ZCCHC14: variants seen among roughly 807,000 people sequenced by gnomAD.
ZCCHC14 encodes zinc finger CCHC-type containing 14, also known as zinc finger CCHC domain-containing protein 14.
In ZCCHC14, 16 loss-of-function variants were observed where a neutral mutation model predicts 85.0. The observed-to-expected ratio is 0.19, with a 90% CI of 0.13 to 0.29. The LOEUF (loss-of-function observed/expected upper bound fraction) is 0.29, where lower values mean the gene tolerates loss of function less well. Among genes scored for constraint, ZCCHC14 ranks in the 10% least tolerant of loss-of-function variants. ZCCHC14 has a pLI of 1.00. For synonymous variants in ZCCHC14, 775 were observed against 630.7 expected (o/e 1.23, Z -3.43); for missense variants, 1,303 against 1,443.5 (o/e 0.90, Z 1.58).
rs561345075 is a variant in ZCCHC14, at chr16:87,410,404, C to T, written c.3206-69G>A. ...AATCACCACCAACCACCAATCTGTC[C>T]AGTCATGTCCAGAGCCACTGGGCAA... is the stretch of plus-strand genomic sequence containing the variant. On this transcript the variant is annotated intron_variant, in intron 12 of 12. Coordinates refer to ENST00000671377, the MANE Select transcript of ZCCHC14 (RefSeq NM_015144.3). 4.4e-6 allele frequency: 3 copies of T among 688,160 alleles called. No homozygotes were observed. The African/African-American group carries it at 5.4e-5, about 12-fold the overall frequency. The allele number at this position is 688,160 out of a possible 1,614,324, so 42.6% of individuals were successfully genotyped here. A position where few individuals can be genotyped will look rare whatever the true frequency, so the allele number is the denominator to read the frequency against.
chr16:87,447,924 T>A (rs1209100832), intron 2 of ZCCHC14, among the ~76,000 whole-genome samples: 1 of 152,182 alleles, frequency 6.6e-6, no homozygotes, highest in East Asian at 1.9e-4. Flanking sequence ...GTGGCTTTGA[T>A]GTGCATTTCC....
At chr16:87,452,775 C>T (rs1467756629) in intron 2 of ZCCHC14, among the ~76,000 whole-genome samples, 2 of 146,072 alleles carry the variant, frequency 1.4e-5, no homozygotes, top group African/African-American at 4.9e-5. Flanking sequence ...GCTGAGGAGC[C>T]CCTGGTGACC....
At chr16:87,459,634 C>G (rs1226452468) in intron 2 of ZCCHC14, among the ~76,000 whole-genome samples, 1 of 151,964 alleles carries the variant, frequency 6.6e-6, no homozygotes, top group African/African-American at 2.4e-5. Context: ...CTCAGCCTCC[C>G]GAGTAGCTGG....
chr16:87,477,269 A>C (rs1053278944), intron 1 of ZCCHC14, among the ~76,000 whole-genome samples: 1 of 152,226 alleles, frequency 6.6e-6, no homozygotes, highest in African/African-American at 2.4e-5. Flanking sequence ...ACAAAATATC[A>C]GACTGCGGTA....
At chr16:87,465,259 C>A (rs934246966) in intron 1 of ZCCHC14, among the ~76,000 whole-genome samples, 1 of 152,240 alleles carries the variant, frequency 6.6e-6, no homozygotes, top group Non-Finnish European at 1.5e-5. Context: ...CTTTGCACTT[C>A]GAACTGGGCC....
intron 3 of ZCCHC14, among the ~76,000 whole-genome samples, chr16:87,425,221 T>G (rs2150732230): frequency 6.6e-6 from 1 of 152,212 alleles, no homozygotes; most frequent in African/African-American, 2.4e-5. Context: ...AGCAGCAGCG[T>G]CCCTGGAACT....
rs368385103 is a variant in ZCCHC14, at chr16:87,414,444, C to T, written c.1573G>A (p.Val525Met). The T allele has an allele frequency of 1.2e-5, 19 of 1,613,348 alleles. No individual in the cohort carries two copies. The highest frequency in any genetic ancestry group is 2.7e-5 in the African/African-American group (2 of 74,952). The change falls in exon 10 of 13, where the codon GTG becomes ATG. Residue 525 changes from valine (V) to methionine (M), a missense_variant. By Grantham distance (21) the Val-to-Met change is conservative. Transcript: ENST00000671377. The part of the protein sequence containing the change: ...RVPPTSHVGP[V>M]QSGRGSHAAE... ...GCATGGCTGCCCCGCCCCGACTGCA[C>T]GGGCCCGACGTGGCTGGTGGGGGGC... is the stretch of plus-strand genomic sequence containing the variant.
chr16:87,407,101 C>A lies in ZCCHC14; in HGVS notation c.*3179G>T, dbSNP rs1056722829. The A allele has an allele frequency of 6.6e-6, 1 of 152,324 alleles. No homozygotes were observed. Among genetic ancestry groups the A allele is most frequent in the African/African-American group, 2.4e-5 (1 of 41,466 alleles). 9.4% of individuals were successfully genotyped at this position (152,324 alleles called of 1,614,324 possible). ...CATCTGGCAAGTGCCTAAAGCCCCG[C>A]TCAGCCTCTGTTCCAGCTGGGTGAT... On this transcript the variant is annotated 3_prime_UTR_variant, in exon 13 of 13. Transcript: ENST00000671377.
intron 6 of ZCCHC14, among the ~76,000 whole-genome samples, chr16:87,419,449 C>T (rs1163854026): frequency 6.6e-6 from 1 of 152,174 alleles, no homozygotes; most frequent in Non-Finnish European, 1.5e-5. Context: ...TGCAGGCATG[C>T]ATCACCACGC....
At chr16:87,436,663 T>TCATGGCAC (rs1185696605) in intron 2 of ZCCHC14, among the ~76,000 whole-genome samples, 1 of 152,068 alleles carries the variant, frequency 6.6e-6, no homozygotes, top group Non-Finnish European at 1.5e-5. Flanking sequence ...CAGCAACACA[T>TCATGGCAC]CATGGCACAC....
rs1472485096 is a variant in ZCCHC14 at position 87,492,531 on chromosome 16, C to A, written c.-293G>T. 1 of 145,462 alleles carries A rather than the reference C, an allele frequency of 6.9e-6. No homozygotes were observed. Among genetic ancestry groups the A allele is most frequent in the African/African-American group, 2.5e-5 (1 of 40,510 alleles). The allele number at this position is 145,462 out of a possible 1,614,324, so 9.0% of individuals were successfully genotyped here. A position where few individuals can be genotyped will look rare whatever the true frequency, so the allele number is the denominator to read the frequency against. ...CGAGCGGCCTCGGGCCCCCCGCTCA[C>A]GGGGAGGCGCCTTCCCCGCGCCCGT... On this transcript the variant is annotated 5_prime_UTR_variant, in exon 1 of 13. Coordinates refer to ENST00000671377, the MANE Select transcript of ZCCHC14 (RefSeq NM_015144.3). This position sits in a 1 kb window ranked among gnomAD's most constrained non-coding sequence, Gnocchi z 6.7.
At chr16:87,450,908 T>C (rs1380084700) in intron 2 of ZCCHC14, among the ~76,000 whole-genome samples, 3 of 151,648 alleles carry the variant, frequency 2.0e-5, no homozygotes, top group Admixed American at 2.0e-4. Context: ...TTTCCTTTTC[T>C]TTTTTTTGAG....
At chr16:87,474,082 T>C (rs998021382) in intron 1 of ZCCHC14, 5 of 152,288 alleles carry the variant, frequency 3.3e-5, no homozygotes, top group African/African-American at 1.2e-4. Context: ...GTTTCAGATT[T>C]ACCTCCCACT....
chr16:87,417,314 G>A (rs1443486506), intron 8 of ZCCHC14, 146 bp downstream of exon 8: 8 of 1,232,620 alleles, frequency 6.5e-6, no homozygotes, highest in South Asian at 6.0e-5. Flanking sequence ...CCTCCGCAAA[G>A]CCCACCGTCT....
chr16:87,453,023 G>T (rs1472761577), intron 2 of ZCCHC14, among the ~76,000 whole-genome samples: 2 of 152,234 alleles, frequency 1.3e-5, no homozygotes, highest in African/African-American at 2.4e-5. Flanking sequence ...CGTCTCCCTT[G>T]ACAGAGGAGT....
At position 87,411,841 on chromosome 16, in the gene ZCCHC14, G is replaced by T. The variant is rs75574551; in HGVS notation, c.2880C>A (p.Pro960=). Residue 960 remains proline (P), a synonymous_variant, in exon 12 of 13, where the codon CCC becomes CCA. Coordinates refer to ENST00000671377, the MANE Select transcript of ZCCHC14 (RefSeq NM_015144.3). Reference sequence around the variant, plus strand: ...TGCACATGGGACTGAAGGGCAAGAAGGGGAAGGTGAACACGGACGGACCGG... The same window carrying T: ...TGCACATGGGACTGAAGGGCAAGAATGGGAAGGTGAACACGGACGGACCGG... ...PFSGPSVFTF[P]FLPFSPMCSS... is the part of the protein sequence containing the mutation. The T allele has an allele frequency of 1.9e-6, 3 of 1,610,786 alleles. No individual in the cohort carries two copies. The highest frequency in any genetic ancestry group is 2.2e-5 in the South Asian group (2 of 90,686).
At position 87,461,078 on chromosome 16, in the gene ZCCHC14, CACAG is replaced by C. The variant is rs550223608; in HGVS notation, c.571-951_571-948del. On this transcript the variant is annotated intron_variant, in intron 1 of 12. Coordinates refer to ENST00000671377, the MANE Select transcript of ZCCHC14 (RefSeq NM_015144.3). ...TCCCCATCGACAGAGACCTGCTAAG[CACAG>C]ACAGTGTACCTGCAGGTGACGGCCG... 2.6e-5 allele frequency among the ~76,000 whole-genome samples: 4 copies of C among 152,368 alleles called. No homozygotes were observed. The South Asian group carries it at 8.3e-4, about 32-fold the overall frequency.
chr16:87,477,120 C>CAAAAAAAAAAAAAAAAAA (rs769416913), intron 1 of ZCCHC14, among the ~76,000 whole-genome samples: 2 of 40,626 alleles, frequency 4.9e-5, no homozygotes, highest in African/African-American at 2.9e-4. Flanking sequence ...GACTCAGTCT[C>CAAAAAAAAAAAAAAAAAA]AAAAAAAAAA....
At chr16:87,433,295 G>C in intron 2 of ZCCHC14, 94 bp from the exon 3 acceptor site, 1 of 1,207,626 alleles carries the variant, frequency 8.3e-7, no homozygotes, top group South Asian at 1.3e-5. Context: ...TTCAAAACCA[G>C]GTTCTCAGCA....
Sources: gnomAD v4.1 joint callset for allele counts (sites outside exome capture counted in the v4.1 genomes callset) on GRCh38, gnomAD v4.1.1 for gene constraint, Gnocchi (gnomAD v3.1) non-coding constraint, MANE v1.5 for transcripts, NCBI Gene and HGNC (gene_info 2026-07-23, HGNC 2026-07-21) for gene names.